The following CLMP variants were observed in gnomAD, a reference collection of about 807,000 sequenced individuals.
CLMP encodes CXADR like cell adhesion molecule.
In CLMP, 27 loss-of-function variants were observed where a neutral mutation model predicts 45.2. That is an observed-to-expected ratio of 0.60 (90% CI 0.44 to 0.82). The LOEUF is 0.82. CLMP is among the 40% of genes least tolerant of loss of function. CLMP has a pLI of 0.00. For synonymous variants in CLMP, 167 were observed against 171.4 expected (o/e 0.97, Z 0.20); for missense variants, 403 against 448.4 (o/e 0.90, Z 0.91).
rs752074824 is a variant in CLMP, at chr11:123,083,632, T to C, written c.556+48A>G. 3.0e-5 allele frequency: 47 copies of C among 1,586,344 alleles called. 1 individual carries two copies. The East Asian group carries it at 9.4e-4, about 32-fold the overall frequency. The stretch of plus-strand genomic sequence containing the variant: ...AGAAAGCTGATTTAGAGCTCACGGA[T>C]AGAGGACTATTTTGTTGGCTCAATA... On this transcript the variant is annotated intron_variant, in intron 4 of 6. Transcript: ENST00000448775.
chr11:123,162,228 G>A (rs996664141), intron 1 of CLMP, among the ~76,000 whole-genome samples: 1 of 152,156 alleles, frequency 6.6e-6, no homozygotes, highest in Admixed American at 6.5e-5. Flanking sequence ...TGAGCAGAAG[G>A]ACCCGAGGCA....
chr11:123,099,241 A>G (rs1866026507), intron 1 of CLMP, among the ~76,000 whole-genome samples: 1 of 152,222 alleles, frequency 6.6e-6, no homozygotes, highest in Admixed American at 6.5e-5. Context: ...TAAGTTATAG[A>G]GTCATAGTCA....
chr11:123,117,167 T>A (rs1313475285), intron 1 of CLMP, among the ~76,000 whole-genome samples: 1 of 152,100 alleles, frequency 6.6e-6, no homozygotes, highest in Non-Finnish European at 1.5e-5. Context: ...TATTATCTGA[T>A]AATACTCTGA....
intron 1 of CLMP, among the ~76,000 whole-genome samples, chr11:123,101,170 G>A (rs1866054438): frequency 6.6e-6 from 1 of 152,114 alleles, no homozygotes; most frequent in African/African-American, 2.4e-5. Flanking sequence ...GTGCAGTGGC[G>A]CGATCTCAGC....
intron 1 of CLMP, among the ~76,000 whole-genome samples, chr11:123,101,911 C>T (rs569463032): frequency 9.2e-5 from 14 of 152,142 alleles, no homozygotes; most frequent in Non-Finnish European, 1.8e-4. Flanking sequence ...AGGCCGGGTG[C>T]GGTGGCTCAT....
intron 1 of CLMP, among the ~76,000 whole-genome samples, chr11:123,112,825 G>A (rs933770009): frequency 2.8e-5 from 4 of 145,230 alleles, no homozygotes; most frequent in Non-Finnish European, 4.5e-5. Flanking sequence ...CCAGGCTGGA[G>A]TGCAGTGGCG....
At chr11:123,113,500 G>T (rs1304976353) in intron 1 of CLMP, among the ~76,000 whole-genome samples, 1 of 152,188 alleles carries the variant, frequency 6.6e-6, no homozygotes, top group Non-Finnish European at 1.5e-5. Flanking sequence ...GAGTACGTTA[G>T]AATTTTAGCA....
At chr11:123,083,600 G>A in intron 4 of CLMP, 80 bp downstream of exon 4, 1 of 1,416,706 alleles carries the variant, frequency 7.1e-7, no homozygotes, top group Non-Finnish European at 1.0e-6. Flanking sequence ...CACATAGTGA[G>A]TTGCTGAGAA....
intron 1 of CLMP, among the ~76,000 whole-genome samples, chr11:123,144,457 C>T (rs555374713): frequency 5.3e-5 from 8 of 152,290 alleles, no homozygotes; most frequent in South Asian, 2.1e-4. Context: ...CTGCAACCTC[C>T]GCCTCCTGGG....
At chr11:123,187,893 A>T (rs1286348807) in intron 1 of CLMP, among the ~76,000 whole-genome samples, 1 of 152,212 alleles carries the variant, frequency 6.6e-6, no homozygotes, top group Non-Finnish European at 1.5e-5. Flanking sequence ...TCAACCCACC[A>T]ACTGCTTATT....
chr11:123,107,193 T>G (rs1860572259), intron 1 of CLMP, among the ~76,000 whole-genome samples: 1 of 151,278 alleles, frequency 6.6e-6, no homozygotes, highest in Non-Finnish European at 1.5e-5. Context: ...CCCAAGTAGC[T>G]GGGACTATAG....
In CLMP at chr11:123,069,986, T is replaced by A. The variant is rs1209464443; in HGVS notation, c.*3488A>T. 6.6e-6 allele frequency: 1 copy of A among 152,228 alleles called. No homozygotes were observed. Among genetic ancestry groups the A allele is most frequent in the East Asian group, 1.9e-4 (1 of 5,200 alleles). 9.4% of individuals were successfully genotyped at this position (152,228 alleles called of 1,614,324 possible). ...TACAAGGCAACTTAGAAGTTAAAAC[T>A]GAAACTGAAATATAAACAGCTTAAC... On this transcript the variant is annotated 3_prime_UTR_variant, in exon 7 of 7. Coordinates refer to ENST00000448775, the MANE Select transcript of CLMP (RefSeq NM_024769.5).
Position 123,073,268 on chromosome 11 carries a change from C to G in CLMP, c.*206G>C. 1 of 557,372 alleles carries G rather than the reference C, an allele frequency of 1.8e-6. No homozygotes were observed. Among genetic ancestry groups the G allele is most frequent in the East Asian group, 3.0e-5 (1 of 32,848 alleles). The allele number at this position is 557,372 out of a possible 1,614,324, so 34.5% of individuals were successfully genotyped here. A position where few individuals can be genotyped will look rare whatever the true frequency, so the allele number is the denominator to read the frequency against. On this transcript the variant is annotated 3_prime_UTR_variant, in exon 7 of 7. Transcript: ENST00000448775. ...CTGGTCTAAAGGCACAATAAGATGC[C>G]TTTTTACAGATGAATCAGCTTACAT... is the stretch of plus-strand genomic sequence containing the variant.
At chr11:123,168,163 G>A (rs1011654285) in intron 1 of CLMP, among the ~76,000 whole-genome samples, 8 of 152,092 alleles carry the variant, frequency 5.3e-5, no homozygotes, top group Admixed American at 3.3e-4. Flanking sequence ...CCTTTTCCAC[G>A]TTTATTCACT....
Position 123,190,301 on chromosome 11 carries a change from A to G in CLMP, c.28+4612T>C, listed in dbSNP as rs148266683. On this transcript the variant is annotated intron_variant, in intron 1 of 6. Transcript: ENST00000448775. ...CGTTGACCCTTCTTGGTTTATCATC[A>G]TGTGCTACCAATTGCCATGAGTGAA... Among the ~76,000 whole-genome samples, 3 of 152,284 alleles carry G rather than the reference A, an allele frequency of 2.0e-5. No homozygotes were observed. The East Asian group carries it at 5.8e-4, about 29-fold the overall frequency.
intron 1 of CLMP, among the ~76,000 whole-genome samples, chr11:123,152,566 A>ATAAATAAATAAT (rs1555084855): frequency 6.9e-6 from 1 of 143,918 alleles, no homozygotes; most frequent in African/African-American, 2.8e-5. Context: ...AAATAAATAA[A>ATAAATAAATAAT]AAATAAATAA....
chr11:123,174,081 CA>C (rs1326776422), intron 1 of CLMP, among the ~76,000 whole-genome samples: 1 of 151,850 alleles, frequency 6.6e-6, no homozygotes, highest in Non-Finnish European at 1.5e-5. Flanking sequence ...GACCCTGTTT[CA>C]AAAAAAATTT....
intron 1 of CLMP, among the ~76,000 whole-genome samples, chr11:123,182,547 A>G (rs1047933432): frequency 2.6e-5 from 4 of 152,174 alleles, no homozygotes; most frequent in East Asian, 1.9e-4. Flanking sequence ...TATTTCTTCA[A>G]TTATAACTAC....
intron 1 of CLMP, among the ~76,000 whole-genome samples, chr11:123,105,352 C>T (rs1200700223): frequency 1.0e-5 from 1 of 98,046 alleles, no homozygotes; most frequent in African/African-American, 4.0e-5. Flanking sequence ...ATTTCCTTCC[C>T]TTCCCTCCCT....
Sources: gnomAD v4.1 joint callset for allele counts (sites outside exome capture counted in the v4.1 genomes callset) on GRCh38, gnomAD v4.1.1 for gene constraint, MANE v1.5 for transcripts, NCBI Gene and HGNC (gene_info 2026-07-23, HGNC 2026-07-21) for gene names.